DENND4A: variants seen among roughly 807,000 people sequenced by gnomAD.
DENND4A encodes DENN domain containing 4A, also known as C-myc promoter-binding protein.
A neutral mutation model predicts 199.3 loss-of-function variants in DENND4A; 70 were observed. The observed-to-expected ratio is 0.35, with a 90% confidence interval of 0.29 to 0.43. The LOEUF is 0.43. Among genes scored for constraint, DENND4A ranks in the 20% least tolerant of loss-of-function variants. The pLI is 1.00. For synonymous variants in DENND4A, 686 were observed against 766.9 expected, an observed-to-expected ratio of 0.89 and a Z score of 1.74; for missense variants, 1,723 against 2,255.8, an observed-to-expected ratio of 0.76 and a Z score of 4.78.
chr15:65,702,049 G>A (rs2074888843), intron 17 of DENND4A, among the ~76,000 whole-genome samples, 159 bp from the exon 18 acceptor site: 1 of 152,142 alleles, frequency 6.6e-6, no homozygotes, highest in African/African-American at 2.4e-5. Context: ...AAGCTCTGGA[G>A]CCCAGGAGCT....
intron 1 of DENND4A, among the ~76,000 whole-genome samples, chr15:65,789,925 G>A (rs924642785): frequency 6.6e-6 from 1 of 152,184 alleles, no homozygotes; most frequent in Non-Finnish European, 1.5e-5. Context: ...GGAGGCCAAG[G>A]CGGGCAGATT....
At chr15:65,676,165 T>TATATATATATATATATATATATAC (rs1011768963) in intron 24 of DENND4A, among the ~76,000 whole-genome samples, 19 of 144,468 alleles carry the variant, frequency 1.3e-4, no homozygotes, top group Non-Finnish European at 2.7e-4. Flanking sequence ...TATATATATA[T>TATATATATATATATATATATATAC]ACCTATACCT....
In DENND4A at chr15:65,752,519, A is replaced by C; in HGVS notation, c.421T>G (p.Tyr141Asp). 6.2e-7 allele frequency: 1 copy of C among 1,613,706 alleles called. No individual in the cohort carries two copies. Among genetic ancestry groups the C allele is most frequent in the Non-Finnish European group, 8.5e-7 (1 of 1,179,798 alleles). Residue 141 changes from tyrosine (Y) to aspartate (D), a missense_variant, in exon 4 of 33, where the codon TAT (tyrosine) becomes GAT (aspartate). This residue lies in a region of DENND4A where 725 missense variants were observed against 952.9 expected (regional missense o/e 0.76). Transcript: ENST00000443035. ...TCAGAGGCTCTTCGGTAAGTGATATAAATTCTTTGTGATGAGGTACTCCCA... is the reference window on the plus strand; with the variant it reads ...TCAGAGGCTCTTCGGTAAGTGATATCAATTCTTTGTGATGAGGTACTCCCA... Reference protein sequence around the residue: ...ISGSTSSQRIYITYRRASENM... With the variant: ...ISGSTSSQRIDITYRRASENM...
intron 7 of DENND4A, among the ~76,000 whole-genome samples, chr15:65,735,152 C>A (rs1420996477): frequency 6.6e-6 from 1 of 151,770 alleles, no homozygotes; most frequent in Non-Finnish European, 1.5e-5. Context: ...CCAAGGTGGG[C>A]GGATCACTTG....
intron 1 of DENND4A, among the ~76,000 whole-genome samples, chr15:65,762,181 A>G (rs1031134372): frequency 6.6e-6 from 1 of 151,770 alleles, no homozygotes; most frequent in African/African-American, 2.4e-5. Flanking sequence ...CTAATTTTGT[A>G]TTTTCAGTAG....
intron 1 of DENND4A, among the ~76,000 whole-genome samples, chr15:65,778,630 G>T (rs982416409): frequency 8.5e-5 from 13 of 152,122 alleles, no homozygotes; most frequent in Non-Finnish European, 1.9e-4. Context: ...CAGATGCAGT[G>T]GCTCATGCCT....
rs573935476 is a variant in DENND4A, at chr15:65,746,369, C to CTTTTTTTTTTTTT, written c.562-4598_562-4586dup. Reference sequence around the variant, plus strand: ...CTTGTTAACAATTCTACTTTTTTCTCTTTTTTTTTTTTTTTTTTTTTTTTT... The same window carrying CTTTTTTTTTTTTT: ...CTTGTTAACAATTCTACTTTTTTCTCTTTTTTTTTTTTTTTTTTTTTTTTTTTTTTTTTTTTTT... On this transcript the variant is annotated intron_variant, in intron 4 of 32. Transcript: ENST00000443035. Among the ~76,000 whole-genome samples, 57 of 51,306 alleles carry CTTTTTTTTTTTTT rather than the reference C, an allele frequency of 1.1e-3. 8 individuals carry two copies. Among genetic ancestry groups the CTTTTTTTTTTTTT allele is most frequent in the Admixed American group, 1.7e-3 (5 of 2,952 alleles). The allele number at this position is 51,306 out of a possible 152,430, so 33.7% of individuals were successfully genotyped here.
intron 22 of DENND4A, among the ~76,000 whole-genome samples, chr15:65,695,043 T>C (rs1292954549): frequency 6.6e-6 from 1 of 152,092 alleles, no homozygotes; most frequent in Admixed American, 6.6e-5. Context: ...AATTAGAAAA[T>C]TAGTTACAAA....
chr15:65,748,147 CAT>C (rs1417633692), intron 4 of DENND4A, among the ~76,000 whole-genome samples: 2 of 145,898 alleles, frequency 1.4e-5, no homozygotes, highest in African/African-American at 2.5e-5. Flanking sequence ...AAACTTAACA[CAT>C]GTTGAAATGC....
chr15:65,670,161 T>G lies in DENND4A; in HGVS notation c.4492A>C (p.Arg1498=). ...EVLISSCSRC[R]TCDCLVHDEE... ...TCATGGACAAGACAATCACAAGTTC[T>G]ACACCGAGAGCAACTTGAGATGAGA... The change falls in exon 26 of 33, where the codon AGA becomes CGA. Residue 1498 remains arginine, a synonymous_variant. Transcript: ENST00000443035. 1 of 1,553,582 alleles carries G rather than the reference T, an allele frequency of 6.4e-7. No individual in the cohort carries two copies.
chr15:65,733,395 A>AG (rs935563193), intron 7 of DENND4A, among the ~76,000 whole-genome samples: 1 of 152,026 alleles, frequency 6.6e-6, no homozygotes, highest in African/African-American at 2.4e-5. Context: ...AATCTTTCCT[A>AG]GGGGGGAATA....
At chr15:65,785,429 G>A (rs947520782) in intron 1 of DENND4A, among the ~76,000 whole-genome samples, 3 of 149,584 alleles carry the variant, frequency 2.0e-5, no homozygotes, top group Non-Finnish European at 4.4e-5. Context: ...GGTTGAGGTT[G>A]CAGTGAGCCA....
intron 24 of DENND4A, among the ~76,000 whole-genome samples, chr15:65,673,207 G>A (rs1236932858): frequency 1.3e-5 from 2 of 151,584 alleles, no homozygotes; most frequent in Non-Finnish European, 2.9e-5. Context: ...GCCAGGCATG[G>A]TGGCCCACGC....
intron 4 of DENND4A, among the ~76,000 whole-genome samples, chr15:65,745,126 TTAA>T (rs1308101538): frequency 1.2e-4 from 19 of 152,328 alleles, no homozygotes; most frequent in Middle Eastern, 3.4e-3. Flanking sequence ...ATATGATCAT[TTAA>T]TAATATTTTA....
intron 4 of DENND4A, among the ~76,000 whole-genome samples, chr15:65,746,369 C>CTCTCTCTTT (rs2076392238): frequency 2.0e-5 from 1 of 51,268 alleles, no homozygotes; most frequent in African/African-American, 7.0e-5. Context: ...ACTTTTTTCT[C>CTCTCTCTTT]TTTTTTTTTT....
intron 7 of DENND4A, 92 bp downstream of exon 7, chr15:65,737,615 A>T: frequency 8.0e-7 from 1 of 1,248,324 alleles, no homozygotes; most frequent in East Asian, 2.6e-5. Context: ...TGAGAAATCT[A>T]GTATCCATAT....
At chr15:65,767,764 T>G (rs968671018) in intron 1 of DENND4A, among the ~76,000 whole-genome samples, 1 of 152,120 alleles carries the variant, frequency 6.6e-6, no homozygotes. Context: ...TACAGCAAAA[T>G]AGCATTTATA....
chr15:65,734,175 ATGTCTCGGTATAAAACCCGAT>A (rs2076043262), intron 7 of DENND4A, among the ~76,000 whole-genome samples: 3 of 152,222 alleles, frequency 2.0e-5, no homozygotes, highest in Admixed American at 2.0e-4. Flanking sequence ...GGGCAATGGA[ATGTCTCGGTATAAAACCCGAT>A]TGTACGTTCC....
chr15:65,752,322 TAAA>T, intron 4 of DENND4A, 54 bp downstream of exon 4: 1 of 490,754 alleles, frequency 2.0e-6, no homozygotes, highest in Non-Finnish European at 3.2e-6. Flanking sequence ...AAGATGTATT[TAAA>T]ATTATGCTCT....
Sources: allele counts gnomAD v4.1 joint callset (sites outside exome capture counted in the v4.1 genomes callset), GRCh38; gene constraint gnomAD v4.1.1; regional missense constraint gnomAD v4.1.1; transcripts MANE v1.5; gene names NCBI Gene and HGNC (gene_info 2026-07-23, HGNC 2026-07-21).